Variants in FADS1 observed in about 807,000 individuals in gnomAD.
The protein encoded by FADS1 is fatty acid desaturase 1.
In FADS1, 17 loss-of-function variants were observed where a neutral mutation model predicts 61.6. That is an observed-to-expected ratio of 0.28 (90% CI 0.19 to 0.41). FADS1 has a LOEUF of 0.41. Among genes scored for constraint, FADS1 ranks in the 10% least tolerant of loss-of-function variants. The probability of loss-of-function intolerance (pLI) is 1.00; values close to 1 mark genes in which losing one functional copy is unlikely to be tolerated. For missense variants in FADS1, 387 were observed against 650.9 expected, an observed-to-expected ratio of 0.59 and a Z score of 4.41; for synonymous variants, 238 against 258.7, an observed-to-expected ratio of 0.92 and a Z score of 0.77.
At position 61,803,670 on chromosome 11, in the gene FADS1, C is replaced by T; in HGVS notation, c.1151G>A (p.Arg384Lys). Reference protein sequence around the residue: ...KAFLGLFFIVRFLESNWFVWV... With the variant: ...KAFLGLFFIVKFLESNWFVWV... ...CCTATCCGCCCCCACCGAATACTACCTGACTATGAAGAAAAGGCCCAGGAA... is the reference window on the plus strand; with the variant it reads ...CCTATCCGCCCCCACCGAATACTACTTGACTATGAAGAAAAGGCCCAGGAA... The change falls in exon 8 of 12, where the codon AGG (arginine) becomes AAG (lysine). Residue 384 changes from arginine to lysine, a missense_variant and splice_region_variant. By Grantham distance (26) the Arg-to-Lys change is conservative. This residue lies in a region of FADS1 where 257 missense variants were observed against 533.3 expected (regional missense o/e 0.48). Transcript: ENST00000350997. The surrounding 1 kb of genome is among the most constrained non-coding windows in gnomAD (Gnocchi z 4.3). The T allele has an allele frequency of 1.2e-6, 2 of 1,611,094 alleles. No homozygotes were observed. Among genetic ancestry groups the T allele is most frequent in the Non-Finnish European group, 8.5e-7 (1 of 1,177,238 alleles).
intron 1 of FADS1, among the ~76,000 whole-genome samples, chr11:61,813,822 G>A (rs2066949770): frequency 6.6e-6 from 1 of 152,016 alleles, no homozygotes; most frequent in South Asian, 2.1e-4. Context: ...AAAATTAGCC[G>A]GGCGAGGTAG....
rs748195638 is a variant in FADS1 at position 61,803,631 on chromosome 11, T to C, written c.1151+39A>G. ...GACCAGACTGGTCACTCCCCAACATTTCCTTCACCAGTCCCTATCCGCCCC... is the reference window on the plus strand; with the variant it reads ...GACCAGACTGGTCACTCCCCAACATCTCCTTCACCAGTCCCTATCCGCCCC... On this transcript the variant is annotated intron_variant, in intron 8 of 11. Coordinates refer to ENST00000350997, the MANE Select transcript of FADS1 (RefSeq NM_013402.7). This position sits in a 1 kb window ranked among gnomAD's most constrained non-coding sequence, Gnocchi z 4.3. 2 of 1,540,742 alleles carry C rather than the reference T, an allele frequency of 1.3e-6. No homozygotes were observed. The highest frequency in any genetic ancestry group is 1.7e-5 in the Admixed American group (1 of 59,908).
chr11:61,813,917 C>G (rs1344890986), intron 1 of FADS1, among the ~76,000 whole-genome samples: 1 of 147,832 alleles, frequency 6.8e-6, no homozygotes, highest in East Asian at 2.0e-4. Context: ...TGCAGTGAGC[C>G]GAGATCGCGC....
intron 1 of FADS1, chr11:61,814,854 C>A (rs2066962786): frequency 6.6e-6 from 1 of 152,312 alleles, no homozygotes; most frequent in African/African-American, 2.4e-5. Context: ...CAGCTGGCTT[C>A]ACCTCTCAGG....
At chr11:61,808,152 A>G (rs1410522268) in intron 5 of FADS1, among the ~76,000 whole-genome samples, 1 of 152,184 alleles carries the variant, frequency 6.6e-6, no homozygotes, top group Non-Finnish European at 1.5e-5. Context: ...CCTGGGCAAC[A>G]TGGTGAAACC....
intron 5 of FADS1, among the ~76,000 whole-genome samples, chr11:61,807,870 G>T (rs2135937056): frequency 6.6e-6 from 1 of 152,304 alleles, no homozygotes; most frequent in Admixed American, 6.5e-5. Flanking sequence ...AGTTTATTCT[G>T]TACAAGACAC....
chr11:61,804,183 C>G (rs2066877935), intron 7 of FADS1: 4 of 222,744 alleles, frequency 1.8e-5, no homozygotes, highest in Non-Finnish European at 2.7e-5. Flanking sequence ...CAAACTTACC[C>G]CTCATTTCCA....
chr11:61,814,210 GAC>G (rs1399975322), intron 1 of FADS1: 2 of 152,684 alleles, frequency 1.3e-5, no homozygotes, highest in African/African-American at 4.8e-5. Flanking sequence ...ACCAACTCCT[GAC>G]ACAGAAGCAC....
chr11:61,803,350 G>GACT lies in FADS1; in HGVS notation c.1248+10_1248+12dup, dbSNP rs2066870925. The GACT allele has an allele frequency of 6.3e-7, 1 of 1,596,888 alleles. No homozygotes were observed. Among genetic ancestry groups the GACT allele is most frequent in the African/African-American group, 1.3e-5 (1 of 74,572 alleles). ...TGTGTTATGCTCCAGTCTTCTGAGT[G>GACT]ACTGTCCCTTACCTGGGTGGAAACC... is the stretch of plus-strand genomic sequence containing the variant. On this transcript the variant is annotated intron_variant, in intron 9 of 11. Transcript: ENST00000350997. The surrounding 1 kb of genome is among the most constrained non-coding windows in gnomAD (Gnocchi z 4.3).
intron 1 of FADS1, chr11:61,814,126 G>A (rs2066952911): frequency 6.6e-6 from 1 of 152,334 alleles, no homozygotes; most frequent in African/African-American, 2.4e-5. Context: ...CCACCTGTAA[G>A]AGCTGTAACA....
At chr11:61,808,232 A>G (rs1038821856) in intron 5 of FADS1, among the ~76,000 whole-genome samples, 1 of 152,114 alleles carries the variant, frequency 6.6e-6, no homozygotes, top group South Asian at 2.1e-4. Flanking sequence ...GCTACTCAGG[A>G]GGCTGAGGCA....
rs2066990295 is a variant in FADS1 at position 61,816,862 on chromosome 11, A to G, written c.68T>C (p.Leu23Pro). ...CGAENPARRR[L>P]ALGARQQIHS... ...GATTTGCTGGCGCGCGCCCAGAGCC[A>G]GCCGCCTGCGCGCCGGGTTTTCAGC... Residue 23 changes from leucine (L) to proline (P), a missense_variant, in exon 1 of 12, where the codon CTG becomes CCG. By Grantham distance (98) the Leu-to-Pro change is moderately conservative (BLOSUM62 -3). This residue lies in a region of FADS1 where 130 missense variants were observed against 117.7 expected (regional missense o/e 1.10). Transcript: ENST00000350997. The surrounding 1 kb of genome is among the most constrained non-coding windows in gnomAD (Gnocchi z 7.0). 6.1e-6 allele frequency: 9 copies of G among 1,480,128 alleles called. No homozygotes were observed. Among genetic ancestry groups the G allele is most frequent in the Non-Finnish European group, 7.1e-6 (8 of 1,126,112 alleles). 91.7% of individuals were successfully genotyped at this position (1,480,128 alleles called of 1,614,324 possible). A position where few individuals can be genotyped will look rare whatever the true frequency, so the allele number is the denominator to read the frequency against.
rs757960888 is a variant in FADS1, at chr11:61,799,794, G to T, written c.*2617C>A. 248 of 152,834 alleles carry T rather than the reference G, an allele frequency of 1.6e-3. 2 individuals are homozygous for T. The highest frequency in any genetic ancestry group is 3.4e-3 in the Middle Eastern group (1 of 294). The allele number at this position is 152,834 out of a possible 1,614,324, so 9.5% of individuals were successfully genotyped here. A position where few individuals can be genotyped will look rare whatever the true frequency, so the allele number is the denominator to read the frequency against. On this transcript the variant is annotated 3_prime_UTR_variant, in exon 12 of 12. Coordinates refer to ENST00000350997, the MANE Select transcript of FADS1 (RefSeq NM_013402.7). The stretch of plus-strand genomic sequence containing the variant: ...ACATAGAAGTTGGAGTTGTAAAAAA[G>T]TGAGTTGGAATTCATGCTGCCATGA...
Position 61,802,715 on chromosome 11 carries a change from T to A in FADS1, c.1454+86A>T, listed in dbSNP as rs1013148394. 1.2e-5 allele frequency: 19 copies of A among 1,577,666 alleles called. No individual in the cohort carries two copies. Among genetic ancestry groups the A allele is most frequent in the Admixed American group, 3.4e-5 (2 of 59,686 alleles). ...CCCACACGACTGGGAACACCTTCTG[T>A]TCACTCCCCACCCTACATGTCATCA... On this transcript the variant is annotated intron_variant, in intron 11 of 11. Transcript: ENST00000350997. The surrounding 1 kb of genome is among the most constrained non-coding windows in gnomAD (Gnocchi z 4.2).
At chr11:61,807,979 G>A (rs1371593359) in intron 5 of FADS1, among the ~76,000 whole-genome samples, 1 of 152,240 alleles carries the variant, frequency 6.6e-6, no homozygotes, top group Non-Finnish European at 1.5e-5. Flanking sequence ...ATACAGAGGT[G>A]AACAATACAG....
chr11:61,811,310 CTTTTTTTTTTTGAGACAGT>C (rs2066929494), intron 3 of FADS1, among the ~76,000 whole-genome samples: 1 of 148,046 alleles, frequency 6.8e-6, no homozygotes, highest in African/African-American at 2.5e-5. Flanking sequence ...AAGCTCATGA[CTTTTTTTTTTTGAGACAGT>C]TTTGTTCTTG....
chr11:61,807,071 T>C lies in FADS1; in HGVS notation c.916-347A>G, dbSNP rs118088091. Among the ~76,000 whole-genome samples the C allele has an allele frequency of 3.6e-3, 555 of 152,322 alleles. 1 individual carries two copies. The highest frequency in any genetic ancestry group is 5.1e-3 in the Non-Finnish European group (347 of 68,020). ...CTCTCCCCTTTCTCCCATCGTACTT[T>C]TTTGTTTATTTTTTAGACGGAGTCT... On this transcript the variant is annotated intron_variant, in intron 5 of 11. Coordinates refer to ENST00000350997, the MANE Select transcript of FADS1 (RefSeq NM_013402.7).
In FADS1 at chr11:61,816,608, G is replaced by A; in HGVS notation, c.322C>T (p.Arg108Trp). 1 of 1,605,584 alleles carries A rather than the reference G, an allele frequency of 6.2e-7. No homozygotes were observed. The highest frequency in any genetic ancestry group is 1.1e-5 in the South Asian group (1 of 90,128). ...ATGACCCGGGAGCCCCCTGGATGCC[G>A]GCGGGTGAACTCGCTGATGTTGTAC... ...KVYNISEFTR[R>W]HPGGSRVISH... is the part of the protein sequence containing the mutation. Residue 108 changes from arginine (R) to tryptophan (W), a missense_variant, in exon 1 of 12, where the codon CGG (arginine) becomes TGG (tryptophan). Coordinates refer to ENST00000350997, the MANE Select transcript of FADS1 (RefSeq NM_013402.7). The surrounding 1 kb of genome is among the most constrained non-coding windows in gnomAD (Gnocchi z 7.0).
rs1432274406 is a variant in FADS1, at chr11:61,799,638, ATTAAC to A, written c.*2768_*2772del. ...TTACAAATGAAGTCTTTTGGTCAAAATTAACTTTATTTTTCAACTTCATAGGGATG... is the reference window on the plus strand; with the variant it reads ...TTACAAATGAAGTCTTTTGGTCAAAATTTATTTTTCAACTTCATAGGGATG... On this transcript the variant is annotated 3_prime_UTR_variant, in exon 12 of 12. Coordinates refer to ENST00000350997, the MANE Select transcript of FADS1 (RefSeq NM_013402.7). The A allele has an allele frequency of 6.6e-6, 1 of 152,376 alleles. No homozygotes were observed. Among genetic ancestry groups the A allele is most frequent in the African/African-American group, 2.4e-5 (1 of 41,464 alleles). 9.4% of individuals were successfully genotyped at this position (152,376 alleles called of 1,614,324 possible).
Sources: gnomAD v4.1 joint callset for allele counts (sites outside exome capture counted in the v4.1 genomes callset) on GRCh38, gnomAD v4.1.1 for gene constraint, gnomAD v4.1.1 regional missense constraint, Gnocchi (gnomAD v3.1) non-coding constraint, MANE v1.5 for transcripts, NCBI Gene and HGNC (gene_info 2026-07-23, HGNC 2026-07-21) for gene names.